Variants in TMEM98 observed in about 807,000 individuals in gnomAD.
TMEM98 encodes the protein transmembrane protein 98.
In TMEM98, 18 loss-of-function variants were observed where a neutral mutation model predicts 25.0. The observed-to-expected ratio is 0.72, with a 90% CI of 0.50 to 1.07. The LOEUF is 1.07. TMEM98 is among the 50% of genes least tolerant of loss of function. The pLI, the probability that TMEM98 is intolerant of heterozygous loss-of-function variation, is 0.00. For synonymous variants in TMEM98, 103 were observed against 112.4 expected (o/e 0.92, Z 0.53); for missense variants, 241 against 289.0 (o/e 0.83, Z 1.20).
rs1486749961 is a variant in TMEM98 at position 32,942,406 on chromosome 17, T to C, written c.*1413T>C. ...CTATGCTGTCAAGCATGTTTGGAGT[T>C]GCACATCTGTTCCCATGTCATTTTC... On this transcript the variant is annotated 3_prime_UTR_variant, in exon 8 of 8. Coordinates refer to ENST00000579849, the MANE Select transcript of TMEM98 (RefSeq NM_015544.3). 1.3e-5 allele frequency: 2 copies of C among 152,244 alleles called. No individual in the cohort carries two copies. The highest frequency in any genetic ancestry group is 1.5e-5 in the Non-Finnish European group (1 of 68,044). 9.4% of individuals were successfully genotyped at this position (152,244 alleles called of 1,614,324 possible).
At position 32,943,586 on chromosome 17, in the gene TMEM98, TGAAGA is replaced by T. The variant is rs1175545647; in HGVS notation, c.*2597_*2601del. ...ATTACTTGGAGATAGAGATTCAATGTGAAGAGAACAAGATATTTGAAGTCAGAATT... is the reference window on the plus strand; with the variant it reads ...ATTACTTGGAGATAGAGATTCAATGTGAACAAGATATTTGAAGTCAGAATT... On this transcript the variant is annotated 3_prime_UTR_variant, in exon 8 of 8. Coordinates refer to ENST00000579849, the MANE Select transcript of TMEM98 (RefSeq NM_015544.3). 6.6e-6 allele frequency: 1 copy of T among 152,220 alleles called. No individual in the cohort carries two copies. The highest frequency in any genetic ancestry group is 1.5e-5 in the Non-Finnish European group (1 of 68,046). 9.4% of individuals were successfully genotyped at this position (152,220 alleles called of 1,614,324 possible). A position where few individuals can be genotyped will look rare whatever the true frequency, so the allele number is the denominator to read the frequency against.
Position 32,936,414 on chromosome 17 carries a change from ACAT to A in TMEM98, c.384_386del (p.Ile129del). 6.2e-7 allele frequency: 1 copy of A among 1,614,176 alleles called. No individual in the cohort carries two copies. The highest frequency in any genetic ancestry group is 8.5e-7 in the Non-Finnish European group (1 of 1,180,016). On this transcript the variant is annotated inframe_deletion, in exon 6 of 8. Coordinates refer to ENST00000579849, the MANE Select transcript of TMEM98 (RefSeq NM_015544.3). ...ATGAAGACTTCAGCCAGTGTCAGCGACATCATTGTGGTGGCCAAGCGGATCAGC... is the reference window on the plus strand; with the variant it reads ...ATGAAGACTTCAGCCAGTGTCAGCGACATTGTGGTGGCCAAGCGGATCAGC...
chr17:32,931,626 G>A lies in TMEM98; in HGVS notation c.98G>A (p.Arg33Gln), dbSNP rs1480904851. 9.3e-6 allele frequency: 15 copies of A among 1,604,980 alleles called. No homozygotes were observed. The highest frequency in any genetic ancestry group is 2.2e-5 in the East Asian group (1 of 44,736). The change falls in exon 3 of 8, where the codon CGG becomes CAG. Residue 33 changes from arginine to glutamine, a missense_variant. Coordinates refer to ENST00000579849, the MANE Select transcript of TMEM98 (RefSeq NM_015544.3). ...LVLVCRQRYC[R>Q]PRDLLQRYDS... Reference sequence around the variant, plus strand: ...CTGGTTTGCAGGCAGCGCTACTGCCGGCCGCGAGACCTGCTGCAGCGCTAT... The same window carrying A: ...CTGGTTTGCAGGCAGCGCTACTGCCAGCCGCGAGACCTGCTGCAGCGCTAT...
chr17:32,940,129 G>A (rs2091520869), intron 7 of TMEM98, among the ~76,000 whole-genome samples: 2 of 152,200 alleles, frequency 1.3e-5, no homozygotes, highest in African/African-American at 2.4e-5. Flanking sequence ...GGGTCACAGC[G>A]CTTCAGCTTT....
intron 7 of TMEM98, among the ~76,000 whole-genome samples, chr17:32,940,232 TA>T (rs2091521460): frequency 1.3e-5 from 2 of 152,224 alleles, no homozygotes; most frequent in Admixed American, 1.3e-4. Context: ...ACTAACCATA[TA>T]AAAGGTATTC....
rs1485733921 is a variant in TMEM98, at chr17:32,941,883, C to T, written c.*890C>T. On this transcript the variant is annotated 3_prime_UTR_variant, in exon 8 of 8. Transcript: ENST00000579849. The stretch of plus-strand genomic sequence containing the variant: ...CCTGGGCAACATGGTGAAACCTCAT[C>T]TCTACACAAACTACAAAAATTAGCT... 6.6e-6 allele frequency: 1 copy of T among 151,950 alleles called. No individual in the cohort carries two copies. Among genetic ancestry groups the T allele is most frequent in the Non-Finnish European group, 1.5e-5 (1 of 68,036 alleles). The allele number at this position is 151,950 out of a possible 1,614,324, so 9.4% of individuals were successfully genotyped here. A position where few individuals can be genotyped will look rare whatever the true frequency, so the allele number is the denominator to read the frequency against.
At chr17:32,938,357 G>A (rs1042102718) in intron 6 of TMEM98, among the ~76,000 whole-genome samples, 4 of 152,220 alleles carry the variant, frequency 2.6e-5, no homozygotes, top group Non-Finnish European at 4.4e-5. Context: ...TGAGATAGGC[G>A]CGGAGGGTGA....
At chr17:32,929,381 T>C (rs909787282) in intron 1 of TMEM98, among the ~76,000 whole-genome samples, 2 of 151,210 alleles carry the variant, frequency 1.3e-5, no homozygotes, top group Admixed American at 1.3e-4. Flanking sequence ...GGAAACCAAG[T>C]GGGTGGTCTT....
chr17:32,936,152 G>A (rs1016832639), intron 5 of TMEM98, among the ~76,000 whole-genome samples, 180 bp from the exon 6 acceptor site: 3 of 152,138 alleles, frequency 2.0e-5, no homozygotes, highest in Non-Finnish European at 2.9e-5. Context: ...TCCCAGCCAT[G>A]CCCTTGGCTT....
chr17:32,929,682 A>G lies in TMEM98; in HGVS notation c.-131+1445A>G, dbSNP rs117360251. ...GCCTTCTCCTTCTTGTGGTCCAGTGAGCTCGAGATGGGAGAGCAGCTCTGT... is the reference window on the plus strand; with the variant it reads ...GCCTTCTCCTTCTTGTGGTCCAGTGGGCTCGAGATGGGAGAGCAGCTCTGT... On this transcript the variant is annotated intron_variant, in intron 1 of 7. Transcript: ENST00000579849. Among the ~76,000 whole-genome samples, 1,498 of 152,132 alleles carry G rather than the reference A, an allele frequency of 9.8e-3. 51 individuals are homozygous for G. The highest frequency in any genetic ancestry group is 0.073 in the Admixed American group (1,122 of 15,278).
chr17:32,933,158 G>A lies in TMEM98; in HGVS notation c.132-16G>A. ...CACCCACCATGAAACCATTTAACGG[G>A]GGCCTTTTCTTCCAGGCCCATTGTG... is the stretch of plus-strand genomic sequence containing the variant. On this transcript the variant is annotated splice_polypyrimidine_tract_variant and intron_variant, in intron 3 of 7. Transcript: ENST00000579849. 6.2e-7 allele frequency: 1 copy of A among 1,613,822 alleles called. No individual in the cohort carries two copies. The highest frequency in any genetic ancestry group is 8.5e-7 in the Non-Finnish European group (1 of 1,179,816).
At chr17:32,931,091 C>T (rs2091465968) in intron 1 of TMEM98, 1 of 155,308 alleles carries the variant, frequency 6.4e-6, no homozygotes, top group African/African-American at 2.4e-5. Context: ...GTAATCCTAG[C>T]TACTTGGGAG....
At chr17:32,935,175 C>A (rs1306455594) in intron 5 of TMEM98, among the ~76,000 whole-genome samples, 1 of 152,200 alleles carries the variant, frequency 6.6e-6, no homozygotes, top group South Asian at 2.1e-4. Flanking sequence ...TTGGCTGTCT[C>A]TCTCAGGGGA....
chr17:32,933,674 GA>G (rs1234324946), intron 4 of TMEM98, among the ~76,000 whole-genome samples: 1 of 152,214 alleles, frequency 6.6e-6, no homozygotes, highest in Non-Finnish European at 1.5e-5. Flanking sequence ...TACATTTTGA[GA>G]AGCGGCTGCT....
intron 6 of TMEM98, among the ~76,000 whole-genome samples, chr17:32,937,526 T>C (rs552581480): frequency 3.9e-4 from 59 of 152,326 alleles, no homozygotes; most frequent in African/African-American, 1.4e-3. Flanking sequence ...GGTCAGCCCC[T>C]GGCTTTATAA....
At chr17:32,934,373 C>T in intron 5 of TMEM98, 49 bp downstream of exon 5, 4 of 1,603,784 alleles carry the variant, frequency 2.5e-6, no homozygotes, top group Non-Finnish European at 3.4e-6. Context: ...CGAAAAGCAC[C>T]ACTGTGCGTG....
At chr17:32,930,929 C>G (rs759942043) in intron 1 of TMEM98, 5 of 152,072 alleles carry the variant, frequency 3.3e-5, no homozygotes, top group African/African-American at 9.7e-5. Context: ...AGGCCGGGCT[C>G]GGTGTCTCAC....
intron 3 of TMEM98, 123 bp downstream of exon 3, chr17:32,931,782 G>C (rs2091471132): frequency 7.7e-7 from 1 of 1,304,954 alleles, no homozygotes; most frequent in African/African-American, 1.5e-5. Flanking sequence ...GGTACCTGCA[G>C]GTGTCCTTCC....
rs1412207198 is a variant in TMEM98, at chr17:32,928,767, CTAAGAAACAT to C, written c.-131+532_-131+541del. 3.3e-3 allele frequency among the ~76,000 whole-genome samples: 492 copies of C among 148,328 alleles called. 54 individuals are homozygous for C. Among genetic ancestry groups the C allele is most frequent in the African/African-American group, 0.012 (469 of 38,312 alleles). On this transcript the variant is annotated intron_variant, in intron 1 of 7. Coordinates refer to ENST00000579849, the MANE Select transcript of TMEM98 (RefSeq NM_015544.3). ...CACTCAGGTCACACACACAAGCACA[CTAAGAAACAT>C]TCAGTTCACACACACTCAGAAACAC...
Sources: allele counts gnomAD v4.1 joint callset (sites outside exome capture counted in the v4.1 genomes callset), GRCh38; gene constraint gnomAD v4.1.1; transcripts MANE v1.5; gene names NCBI Gene and HGNC (gene_info 2026-07-23, HGNC 2026-07-21).